PSD3: variants seen among roughly 807,000 people sequenced by gnomAD.
PSD3 encodes the protein pleckstrin and Sec7 domain containing 3.
Under a neutral mutation model 105.5 loss-of-function variants are expected in PSD3, and 49 were observed. That is an observed-to-expected ratio of 0.46 (90% CI 0.37 to 0.59). PSD3 has a LOEUF of 0.59. Ranked by LOEUF, PSD3 falls within the 20% of genes least tolerant of loss-of-function variation. The probability of loss-of-function intolerance (pLI) is 0.00; values close to 1 mark genes in which losing one functional copy is unlikely to be tolerated. For synonymous variants in PSD3, 557 were observed against 457.8 expected, an observed-to-expected ratio of 1.22 and a Z score of -2.77; for missense variants, 1,561 against 1,263.8, an observed-to-expected ratio of 1.24 and a Z score of -3.57.
intron 1 of PSD3, among the ~76,000 whole-genome samples, chr8:19,029,112 C>T (rs1827668439): frequency 6.6e-6 from 1 of 151,990 alleles, no homozygotes; most frequent in African/African-American, 2.4e-5. Context: ...TAAATTTGTT[C>T]TCCAGTTAAA....
chr8:18,821,836 A>G (rs1406183794), intron 4 of PSD3, among the ~76,000 whole-genome samples: 1 of 122,826 alleles, frequency 8.1e-6, no homozygotes, highest in African/African-American at 3.4e-5. Flanking sequence ...TTGAGAAGGG[A>G]ATACCCACAC....
chr8:18,694,978 G>A (rs1440938903), intron 9 of PSD3, among the ~76,000 whole-genome samples: 2 of 152,026 alleles, frequency 1.3e-5, no homozygotes, highest in Non-Finnish European at 2.9e-5. Context: ...TATATAAGAA[G>A]GAAACAATAA....
At chr8:18,580,940 T>A (rs80207364) in intron 12 of PSD3, among the ~76,000 whole-genome samples, 1 of 152,168 alleles carries the variant, frequency 6.6e-6, no homozygotes, top group African/African-American at 2.4e-5. Context: ...CTAGGGCAGT[T>A]CAGTTTTGTA....
rs550757229 is a variant in PSD3, at chr8:18,800,379, T to C, written c.2023+891A>G. ...TGATAAACTAACTGTGACTGCAGCCTTGGACATGGAGGGGAGGTTGAGGCA... is the reference window on the plus strand; with the variant it reads ...TGATAAACTAACTGTGACTGCAGCCCTGGACATGGAGGGGAGGTTGAGGCA... On this transcript the variant is annotated intron_variant, in intron 7 of 15. Transcript: ENST00000327040. Among the ~76,000 whole-genome samples the C allele has an allele frequency of 2.0e-5, 3 of 152,302 alleles. No individual in the cohort carries two copies. In the South Asian group the frequency reaches 6.2e-4, roughly 32 times the overall value.
chr8:18,621,576 A>G (rs1806111252), intron 11 of PSD3, among the ~76,000 whole-genome samples: 1 of 152,152 alleles, frequency 6.6e-6, no homozygotes, highest in African/African-American at 2.4e-5. Context: ...GGTATTTCCT[A>G]TCTAAAACAG....
At chr8:18,961,026 T>C (rs1823878294) in intron 1 of PSD3, among the ~76,000 whole-genome samples, 1 of 152,010 alleles carries the variant, frequency 6.6e-6, no homozygotes, top group Non-Finnish European at 1.5e-5. Flanking sequence ...AGGTCGATGC[T>C]GCAGTGAGCC....
chr8:19,038,634 T>A (rs892000356), intron 1 of PSD3, among the ~76,000 whole-genome samples: 9 of 152,064 alleles, frequency 5.9e-5, no homozygotes, highest in East Asian at 1.9e-4. Context: ...CTAATTTTTT[T>A]ATTTTTTTGT....
chr8:19,051,704 G>C (rs889736791), intron 1 of PSD3, among the ~76,000 whole-genome samples: 1 of 152,224 alleles, frequency 6.6e-6, no homozygotes, highest in African/African-American at 2.4e-5. Flanking sequence ...AAAGTTGGGG[G>C]ATTAGCATGT....
intron 10 of PSD3, among the ~76,000 whole-genome samples, chr8:18,650,640 C>T (rs2130833289): frequency 6.6e-6 from 1 of 152,294 alleles, no homozygotes; most frequent in Admixed American, 6.5e-5. Flanking sequence ...GTGTCTTATT[C>T]ATATTTGTAT....
At chr8:18,935,920 G>T (rs1032734488) in intron 2 of PSD3, 114 bp downstream of exon 2, 2 of 621,414 alleles carry the variant, frequency 3.2e-6, no homozygotes, top group Non-Finnish European at 5.6e-6. Flanking sequence ...GAATAATTAG[G>T]GAAAGCAGGT....
intron 2 of PSD3, chr8:18,924,855 G>T (rs555789974): frequency 6.6e-6 from 1 of 152,162 alleles, no homozygotes. Flanking sequence ...AGACATAAAG[G>T]TAAGAGTTAC....
chr8:18,618,648 G>A lies in PSD3; in HGVS notation c.2410+13965C>T, dbSNP rs529221058. On this transcript the variant is annotated intron_variant, in intron 11 of 15. Coordinates refer to ENST00000327040, the MANE Select transcript of PSD3 (RefSeq NM_015310.4). ...CTACACACCATAACAGGTATTAGCCGTATTTGATTGCTCTCACCTTAAGGT... is the reference window on the plus strand; with the variant it reads ...CTACACACCATAACAGGTATTAGCCATATTTGATTGCTCTCACCTTAAGGT... Among the ~76,000 whole-genome samples, 18 of 152,084 alleles carry A rather than the reference G, an allele frequency of 1.2e-4. 2 individuals are homozygous for A. Among genetic ancestry groups the A allele is most frequent in the African/African-American group, 3.4e-4 (14 of 41,502 alleles).
At chr8:18,929,878 C>G (rs1056904478) in intron 2 of PSD3, among the ~76,000 whole-genome samples, 2 of 151,926 alleles carry the variant, frequency 1.3e-5, no homozygotes, top group Admixed American at 1.3e-4. Flanking sequence ...CATAAAAAAG[C>G]AGACTGCAAT....
At chr8:18,820,696 A>T (rs748828886) in intron 4 of PSD3, among the ~76,000 whole-genome samples, 2 of 152,190 alleles carry the variant, frequency 1.3e-5, no homozygotes, top group East Asian at 1.9e-4. Flanking sequence ...GAAACTGCCA[A>T]TGTGGAACCC....
At chr8:18,748,424 G>A (rs1345754752) in intron 9 of PSD3, among the ~76,000 whole-genome samples, 1 of 152,020 alleles carries the variant, frequency 6.6e-6, no homozygotes, top group Non-Finnish European at 1.5e-5. Context: ...ACTTTGAGAG[G>A]CCAAGGCGGG....
At chr8:19,020,374 G>C (rs576842039) in intron 1 of PSD3, among the ~76,000 whole-genome samples, 12 of 152,216 alleles carry the variant, frequency 7.9e-5, no homozygotes, top group Admixed American at 3.9e-4. Flanking sequence ...AAGGAGGTGA[G>C]GGGGAAAGCC....
At chr8:18,663,749 A>C (rs1034582725) in intron 9 of PSD3, among the ~76,000 whole-genome samples, 2 of 152,228 alleles carry the variant, frequency 1.3e-5, no homozygotes, top group African/African-American at 4.8e-5. Flanking sequence ...TAAAGGTTTT[A>C]AGTATAGGGA....
intron 2 of PSD3, among the ~76,000 whole-genome samples, chr8:18,907,880 T>C (rs1334853617): frequency 6.6e-6 from 1 of 152,242 alleles, no homozygotes; most frequent in Admixed American, 6.5e-5. Flanking sequence ...ATAAGTTGAA[T>C]TTATTAAATG....
intron 6 of PSD3, chr8:18,804,216 A>G: frequency 4.0e-6 from 1 of 247,380 alleles, no homozygotes; most frequent in Non-Finnish European, 7.6e-6. Flanking sequence ...TTCAAATCAG[A>G]GATGCTCCAA....
Sources: allele counts gnomAD v4.1 joint callset (sites outside exome capture counted in the v4.1 genomes callset), GRCh38; gene constraint gnomAD v4.1.1; transcripts MANE v1.5; gene names NCBI Gene and HGNC (gene_info 2026-07-23, HGNC 2026-07-21).